The following IGSF10 variants were observed in gnomAD, a reference collection of about 807,000 sequenced individuals.
IGSF10 encodes immunoglobulin superfamily member 10, also known as calvaria mechanical force protein 608.
A neutral mutation model predicts 128.2 loss-of-function variants in IGSF10; 126 were observed. The observed-to-expected ratio is 0.98, with a 90% confidence interval of 0.85 to 1.14. The LOEUF (loss-of-function observed/expected upper bound fraction) is 1.14, where lower values mean the gene tolerates loss of function less well. IGSF10 is among the 50% of genes most tolerant of loss of function. The pLI is 0.00. For missense variants in IGSF10, 3,295 were observed against 3,149.8 expected, an observed-to-expected ratio of 1.05 and a Z score of -1.10; for synonymous variants, 1,185 against 1,146.2, an observed-to-expected ratio of 1.03 and a Z score of -0.68.
At position 151,460,352 on chromosome 3, in the gene IGSF10, G is replaced by A. The variant is rs1721993327; in HGVS notation, c.-88-5C>T. The A allele has an allele frequency of 3.2e-6, 3 of 940,284 alleles. No homozygotes were observed. The highest frequency in any genetic ancestry group is 3.8e-6 in the Non-Finnish European group (3 of 788,854). The allele number at this position is 940,284 out of a possible 1,614,324, so 58.2% of individuals were successfully genotyped here. On this transcript the variant is annotated splice_region_variant and splice_polypyrimidine_tract_variant and intron_variant, in intron 1 of 7. Coordinates refer to ENST00000282466, the MANE Select transcript of IGSF10 (RefSeq NM_178822.5). ...AATGGAAAATTGTGTCCAAACCTGA[G>A]GGAGGAAAAGTTCTCTGCTCCAAAG... is the stretch of plus-strand genomic sequence containing the variant.
At chr3:151,491,598 A>G in the IGSF10 span, among the ~76,000 whole-genome samples, 6 of 152,138 alleles carry the variant, frequency 3.9e-5, no homozygotes, top group Admixed American at 3.3e-4. Context: ...CAAACAAACA[A>G]TAAATACATA....
chr3:151,435,513 C>T (rs935133062), downstream of IGSF10: 4 of 152,082 alleles, frequency 2.6e-5, no homozygotes, highest in South Asian at 6.2e-4. Context: ...CGCTATTCCA[C>T]ATGTCTCAAA....
At chr3:151,613,226 A>G in the IGSF10 span, among the ~76,000 whole-genome samples, 2 of 152,336 alleles carry the variant, frequency 1.3e-5, no homozygotes, top group Admixed American at 6.5e-5. Flanking sequence ...AAGAATCAAT[A>G]TCGTGAAAAT....
Position 151,442,997 on chromosome 3 carries a change from C to T in IGSF10, c.5950G>A (p.Asp1984Asn), listed in dbSNP as rs753445759. The T allele has an allele frequency of 1.9e-5, 31 of 1,613,224 alleles. No homozygotes were observed. Among genetic ancestry groups the T allele is most frequent in the Non-Finnish European group, 2.4e-5 (28 of 1,179,528 alleles). ...GTATAGACTTACCTATGCTGCTGGT[C>T]GACCACAGCCTTGGATGGTAACCTC... is the stretch of plus-strand genomic sequence containing the variant. ...MWRLPSKAVV[D>N]QQHRVGSWIH... is the part of the protein sequence containing the mutation. The change falls in exon 7 of 8, where the codon GAC (aspartate) becomes AAC (asparagine). Residue 1984 changes from aspartate to asparagine, a missense_variant. Coordinates refer to ENST00000282466, the MANE Select transcript of IGSF10 (RefSeq NM_178822.5).
At chr3:151,615,483 A>G in the IGSF10 span, among the ~76,000 whole-genome samples, 1 of 152,144 alleles carries the variant, frequency 6.6e-6, no homozygotes. Flanking sequence ...CTCTTCTTTT[A>G]CTTAAAATAA....
chr3:151,617,247 T>TTCTC, the IGSF10 span, among the ~76,000 whole-genome samples: 1 of 142,902 alleles, frequency 7.0e-6, no homozygotes, highest in Admixed American at 7.0e-5. Flanking sequence ...TTCCTCCTCC[T>TTCTC]CTTCTTCTCC....
the IGSF10 span, among the ~76,000 whole-genome samples, chr3:151,511,826 A>G: frequency 2.6e-5 from 4 of 152,232 alleles, no homozygotes; most frequent in South Asian, 2.1e-4. Flanking sequence ...AGTCTCGGAT[A>G]AAACAGACTT....
the IGSF10 span, among the ~76,000 whole-genome samples, chr3:151,524,775 A>C: frequency 6.6e-6 from 1 of 152,118 alleles, no homozygotes; most frequent in Non-Finnish European, 1.5e-5. Context: ...GAACCGAAAA[A>C]GTTAAAAATA....
Position 151,443,255 on chromosome 3 carries a change from A to T in IGSF10, c.5692T>A (p.Ser1898Thr). 1 of 1,611,608 alleles carries T rather than the reference A, an allele frequency of 6.2e-7. No individual in the cohort carries two copies. The highest frequency in any genetic ancestry group is 1.7e-5 in the Admixed American group (1 of 59,658). The change falls in exon 7 of 8, where the codon TCA becomes ACA. Residue 1898 changes from serine to threonine, a missense_variant. Physicochemically the swap from Ser to Thr is moderately conservative, Grantham distance 58. Transcript: ENST00000282466. ...QFTNSKLFLFSNGTLYIRNLA... is the reference protein window; with the variant it reads ...QFTNSKLFLFTNGTLYIRNLA... ...TTTCTTATATACAAAGTCCCATTTG[A>T]AAATAAGAACAACTTGGAATTGGTA...
At chr3:151,461,337 A>C (rs1352668685), upstream of IGSF10, 6 of 985,174 alleles carry the variant, frequency 6.1e-6, no homozygotes, top group African/African-American at 1.0e-4. Flanking sequence ...TTTTGGTTTA[A>C]GGGTTTACGT....
chr3:151,573,339 C>G, the IGSF10 span, among the ~76,000 whole-genome samples: 126 of 152,114 alleles, frequency 8.3e-4, no homozygotes, highest in Non-Finnish European at 1.5e-3. Context: ...ATTAAAGTCT[C>G]GCATTATTAT....
At position 151,448,731 on chromosome 3, in the gene IGSF10, T is replaced by C. The variant is rs1721358319; in HGVS notation, c.1250A>G (p.Asn417Ser). 13 of 1,613,736 alleles carry C rather than the reference T, an allele frequency of 8.1e-6. No individual in the cohort carries two copies. The highest frequency in any genetic ancestry group is 1.1e-5 in the Non-Finnish European group (13 of 1,179,630). The change falls in exon 6 of 8, where the codon AAC becomes AGC. Residue 417 changes from asparagine to serine, a missense_variant. Asn to Ser is a conservative substitution (Grantham distance 46, BLOSUM62 1). Transcript: ENST00000282466. ...VAPKPEDIFT[N>S]IEADLRADPS... is the part of the protein sequence containing the mutation. The stretch of plus-strand genomic sequence containing the variant: ...ATCTGCTCTGAGATCTGCCTCTATG[T>C]TGGTAAAAATGTCTTCAGGCTTAGG...
chr3:151,488,558 A>G, the IGSF10 span, among the ~76,000 whole-genome samples: 2 of 152,210 alleles, frequency 1.3e-5, no homozygotes, highest in African/African-American at 4.8e-5. Flanking sequence ...GCATCATGCT[A>G]TCTGACATCA....
rs769461744 is a variant in IGSF10 at position 151,449,014 on chromosome 3, G to T, written c.967C>A (p.Gln323Lys). The part of the protein sequence containing the change: ...FGSLTLNMTD[Q>K]SGNEANMVCS... ...ACCATGTTAGCTTCATTTCCAGACT[G>T]ATCTGTCATATTCAAAGTGAGGGAG... Residue 323 changes from glutamine to lysine, a missense_variant, in exon 6 of 8, where the codon CAG becomes AAG. Transcript: ENST00000282466. 6.2e-7 allele frequency: 1 copy of T among 1,614,218 alleles called. No individual in the cohort carries two copies. The highest frequency in any genetic ancestry group is 1.1e-5 in the South Asian group (1 of 91,072).
chr3:151,517,566 G>A, the IGSF10 span, among the ~76,000 whole-genome samples: 10 of 151,978 alleles, frequency 6.6e-5, no homozygotes, highest in Admixed American at 3.9e-4. Context: ...CATGAGGGCA[G>A]TGTAACCTGT....
the IGSF10 span, among the ~76,000 whole-genome samples, chr3:151,617,260 C>CTCTTCTTCTTCTTCTTCTTCT: frequency 1.4e-4 from 8 of 55,748 alleles, no homozygotes; most frequent in South Asian, 1.1e-3. Flanking sequence ...TCTTCTCCTT[C>CTCTTCTTCTTCTTCTTCTTCT]TCTTCTTCTT....
chr3:151,516,485 C>T, the IGSF10 span, among the ~76,000 whole-genome samples: 1 of 151,994 alleles, frequency 6.6e-6, no homozygotes, highest in Non-Finnish European at 1.5e-5. Context: ...AAACTTATGC[C>T]TTGACAGATG....
the IGSF10 span, among the ~76,000 whole-genome samples, chr3:151,480,686 G>C: frequency 6.6e-6 from 1 of 151,796 alleles, no homozygotes; most frequent in Non-Finnish European, 1.5e-5. Flanking sequence ...AGAGCTGCTT[G>C]GGTATAGCTG....
the IGSF10 span, among the ~76,000 whole-genome samples, chr3:151,613,992 C>T: frequency 6.6e-6 from 1 of 152,044 alleles, no homozygotes; most frequent in South Asian, 2.1e-4. Context: ...AAAACAACCC[C>T]ATCAAAAAGT....
Sources: gnomAD v4.1 joint callset for allele counts (sites outside exome capture counted in the v4.1 genomes callset) on GRCh38, gnomAD v4.1.1 for gene constraint, MANE v1.5 for transcripts, NCBI Gene and HGNC (gene_info 2026-07-23, HGNC 2026-07-21) for gene names.